Variants in CMSS1 observed in about 807,000 individuals in gnomAD.
CMSS1 encodes the protein protein CMSS1.
Under a neutral mutation model 43.5 loss-of-function variants are expected in CMSS1, and 33 were observed. The observed-to-expected ratio is 0.76, with a 90% CI of 0.57 to 1.01. The LOEUF (loss-of-function observed/expected upper bound fraction) is 1.01. CMSS1 is among the 50% of genes least tolerant of loss of function. CMSS1 has a pLI of 0.00. For synonymous variants in CMSS1, 115 were observed against 117.2 expected, an observed-to-expected ratio of 0.98 and a Z score of 0.12; for missense variants, 313 against 326.4, an observed-to-expected ratio of 0.96 and a Z score of 0.32.
chr3:99,844,559 T>C (rs1451288780), intron 1 of CMSS1, among the ~76,000 whole-genome samples: 1 of 152,216 alleles, frequency 6.6e-6, no homozygotes, highest in Non-Finnish European at 1.5e-5. Context: ...TCAAAGAAGC[T>C]ACTAAAACGT....
intron 1 of CMSS1, among the ~76,000 whole-genome samples, chr3:99,918,254 G>A (rs1375504469): frequency 6.6e-6 from 1 of 152,114 alleles, no homozygotes; most frequent in Non-Finnish European, 1.5e-5. Flanking sequence ...AGGATTACAG[G>A]TGTGAGCCAC....
chr3:100,180,685 AG>A lies in CMSS1; in HGVS notation c.*2299del, dbSNP rs1291519845. On this transcript the variant is annotated 3_prime_UTR_variant, in exon 10 of 10. Coordinates refer to ENST00000421999, the MANE Select transcript of CMSS1 (RefSeq NM_032359.4). ...CAAAACTGTTCAACAAGTCTCTAGGAGGTTCCAAACATCCCTCATATTCCTG... is the reference window on the plus strand; with the variant it reads ...CAAAACTGTTCAACAAGTCTCTAGGAGTTCCAAACATCCCTCATATTCCTG... 1 of 152,268 alleles carries A rather than the reference AG, an allele frequency of 6.6e-6. No individual in the cohort carries two copies. The highest frequency in any genetic ancestry group is 1.5e-5 in the Non-Finnish European group (1 of 68,074). 9.4% of individuals were successfully genotyped at this position (152,268 alleles called of 1,614,324 possible).
At chr3:100,021,014 C>G (rs2064805210) in intron 1 of CMSS1, among the ~76,000 whole-genome samples, 1 of 152,164 alleles carries the variant, frequency 6.6e-6, no homozygotes, top group African/African-American at 2.4e-5. Context: ...ATCTGCCCGC[C>G]TTGGCCTCGC....
chr3:99,938,094 C>G (rs573314700), intron 1 of CMSS1, among the ~76,000 whole-genome samples: 1 of 151,936 alleles, frequency 6.6e-6, no homozygotes, highest in Non-Finnish European at 1.5e-5. Flanking sequence ...CGCGCGCGTG[C>G]ATGCACACTC....
At chr3:100,069,672 A>G (rs948115661) in intron 1 of CMSS1, among the ~76,000 whole-genome samples, 1 of 152,174 alleles carries the variant, frequency 6.6e-6, no homozygotes, top group Non-Finnish European at 1.5e-5. Flanking sequence ...GGCATTGCCT[A>G]TCAGGAAATG....
At chr3:100,092,198 G>T (rs953932002) in intron 1 of CMSS1, among the ~76,000 whole-genome samples, 1 of 152,270 alleles carries the variant, frequency 6.6e-6, no homozygotes, top group Middle Eastern at 3.4e-3. Flanking sequence ...TTGTTAAATA[G>T]GAGGTAGAAA....
chr3:100,046,703 G>A (rs1004440192), intron 1 of CMSS1, among the ~76,000 whole-genome samples: 14 of 152,132 alleles, frequency 9.2e-5, no homozygotes, highest in African/African-American at 2.7e-4. Context: ...ATAAGTCAGC[G>A]CTGACAGAAG....
chr3:99,843,994 A>G (rs4928146), intron 1 of CMSS1, among the ~76,000 whole-genome samples: 2 of 149,306 alleles, frequency 1.3e-5, no homozygotes, highest in African/African-American at 5.0e-5. Flanking sequence ...CATCCCCCCA[A>G]CCCCCCGCCC....
chr3:100,105,887 ACT>A (rs1378141315), intron 1 of CMSS1, among the ~76,000 whole-genome samples: 8 of 152,122 alleles, frequency 5.3e-5, no homozygotes, highest in African/African-American at 1.9e-4. Flanking sequence ...TCAAACAAAA[ACT>A]TTTTTTTAAT....
intron 1 of CMSS1, among the ~76,000 whole-genome samples, chr3:100,116,646 CTCTG>C (rs765552947): frequency 5.9e-5 from 9 of 152,192 alleles, no homozygotes; most frequent in Non-Finnish European, 1.3e-4. Context: ...ATATCTGTTG[CTCTG>C]TCTATTTATA....
At chr3:100,146,687 C>T (rs991091484) in intron 1 of CMSS1, among the ~76,000 whole-genome samples, 8 of 152,146 alleles carry the variant, frequency 5.3e-5, no homozygotes, top group Non-Finnish European at 8.8e-5. Flanking sequence ...TAATAAATAC[C>T]ACTTTTTAAA....
At chr3:100,057,162 A>G (rs979803461) in intron 1 of CMSS1, among the ~76,000 whole-genome samples, 3 of 152,188 alleles carry the variant, frequency 2.0e-5, no homozygotes, top group Non-Finnish European at 2.9e-5. Context: ...ATTTAGCTGT[A>G]TAATCTTTGC....
At chr3:99,848,464 A>G in intron 1 of CMSS1, 1 of 1,614,190 alleles carries the variant, frequency 6.2e-7, no homozygotes, top group Non-Finnish European at 8.5e-7. Flanking sequence ...TACAGCTTGC[A>G]TGTAAGGACT....
intron 1 of CMSS1, among the ~76,000 whole-genome samples, chr3:100,038,144 C>G (rs1003487336): frequency 1.1e-4 from 16 of 152,030 alleles, no homozygotes; most frequent in African/African-American, 3.9e-4. Context: ...TTAGTAGAGA[C>G]AGAGTTTCAC....
intron 1 of CMSS1, among the ~76,000 whole-genome samples, chr3:100,020,168 C>G (rs1016298937): frequency 6.6e-6 from 1 of 152,076 alleles, no homozygotes; most frequent in Non-Finnish European, 1.5e-5. Context: ...CCCATGTAAC[C>G]TTTTAAAAGC....
At chr3:100,058,416 A>G (rs1332466977) in intron 1 of CMSS1, among the ~76,000 whole-genome samples, 1 of 152,240 alleles carries the variant, frequency 6.6e-6, no homozygotes, top group Non-Finnish European at 1.5e-5. Flanking sequence ...GAAGGCAGGC[A>G]GAGAAAAGTT....
At chr3:100,003,973 A>G (rs1709915897) in intron 1 of CMSS1, among the ~76,000 whole-genome samples, 1 of 152,148 alleles carries the variant, frequency 6.6e-6, no homozygotes, top group African/African-American at 2.4e-5. Context: ...AATGAACCTG[A>G]AATGGACGGT....
At chr3:99,964,949 G>A (rs1186087568) in intron 1 of CMSS1, among the ~76,000 whole-genome samples, 2 of 152,126 alleles carry the variant, frequency 1.3e-5, no homozygotes, top group African/African-American at 2.4e-5. Flanking sequence ...TATAAAAATT[G>A]TTCTTCAAAC....
intron 1 of CMSS1, among the ~76,000 whole-genome samples, chr3:100,014,664 A>G (rs1476525663): frequency 6.6e-6 from 1 of 151,784 alleles, no homozygotes; most frequent in Non-Finnish European, 1.5e-5. Context: ...TTTCAGGTTC[A>G]TTTTTAATTG....
Sources: allele counts gnomAD v4.1 joint callset (sites outside exome capture counted in the v4.1 genomes callset), GRCh38; gene constraint gnomAD v4.1.1; transcripts MANE v1.5; gene names NCBI Gene and HGNC (gene_info 2026-07-23, HGNC 2026-07-21).